Variants in AREL1 observed in about 807,000 individuals in gnomAD.
The protein encoded by AREL1 is apoptosis-resistant E3 ubiquitin protein ligase 1.
Under a neutral mutation model 99.0 loss-of-function variants are expected in AREL1, and 62 were observed. That is an observed-to-expected ratio of 0.63 (90% CI 0.51 to 0.77). The LOEUF (loss-of-function observed/expected upper bound fraction) is 0.77, where lower values mean the gene tolerates loss of function less well. AREL1 is among the 30% of genes least tolerant of loss of function. The pLI is 0.00. For synonymous variants in AREL1, 380 were observed against 376.5 expected (o/e 1.01, Z -0.11); for missense variants, 879 against 1,027.6 (o/e 0.86, Z 1.98).
chr14:74,704,026 G>A (rs2090133000), intron 1 of AREL1, among the ~76,000 whole-genome samples: 1 of 152,158 alleles, frequency 6.6e-6, no homozygotes, highest in Admixed American at 6.5e-5. Context: ...CATTCTAATA[G>A]GTGTGAAGTG....
At position 74,675,706 on chromosome 14, in the gene AREL1, G is replaced by A. The variant is rs757210119; in HGVS notation, c.1073C>T (p.Ser358Leu). ...KKPKKVYCYV[S>L]PKQFSVKEFY... ...GAGAATGGAAGGTCCAACCTTTGGT[G>A]ACACATAGCAGTACACCTTCTTCGG... Residue 358 changes from serine to leucine, a missense_variant, in exon 8 of 20, where the codon TCA becomes TTA. By Grantham distance (145) the Ser-to-Leu change is moderately radical. Transcript: ENST00000356357. 6.2e-7 allele frequency: 1 copy of A among 1,613,382 alleles called. No individual in the cohort carries two copies. Among genetic ancestry groups the A allele is most frequent in the Non-Finnish European group, 8.5e-7 (1 of 1,179,498 alleles).
Position 74,662,465 on chromosome 14 carries a change from A to T in AREL1, c.*1255T>A, listed in dbSNP as rs2089105855. 1 of 398,362 alleles carries T rather than the reference A, an allele frequency of 2.5e-6. No homozygotes were observed. Among genetic ancestry groups the T allele is most frequent in the African/African-American group, 2.1e-5 (1 of 48,634 alleles). 24.7% of individuals were successfully genotyped at this position (398,362 alleles called of 1,614,324 possible). A position where few individuals can be genotyped will look rare whatever the true frequency, so the allele number is the denominator to read the frequency against. On this transcript the variant is annotated 3_prime_UTR_variant, in exon 20 of 20. Transcript: ENST00000356357. Reference sequence around the variant, plus strand: ...GATTTTGAATCTTGAAATTATTTTCAATCAAACAGTAATGAAAAAGGATGT... The same window carrying T: ...GATTTTGAATCTTGAAATTATTTTCTATCAAACAGTAATGAAAAAGGATGT...
chr14:74,696,636 G>A (rs2089984111), intron 1 of AREL1, among the ~76,000 whole-genome samples: 1 of 152,038 alleles, frequency 6.6e-6, no homozygotes, highest in Non-Finnish European at 1.5e-5. Context: ...CTTGAGCCTA[G>A]GAGTTGAAAC....
At chr14:74,688,815 GC>G (rs940642011) in intron 2 of AREL1, among the ~76,000 whole-genome samples, 11 of 151,426 alleles carry the variant, frequency 7.3e-5, no homozygotes, top group Admixed American at 7.2e-4. Context: ...TCTCTCAAAA[GC>G]CCTTCTATTT....
At chr14:74,672,745 A>G in intron 11 of AREL1, 86 bp downstream of exon 11, 1 of 1,570,300 alleles carries the variant, frequency 6.4e-7, no homozygotes, top group African/African-American at 1.4e-5. Context: ...CCAAACAAAA[A>G]CAAAAACAAA....
intron 5 of AREL1, among the ~76,000 whole-genome samples, chr14:74,680,359 C>G (rs1375091348): frequency 6.6e-6 from 1 of 152,018 alleles, no homozygotes; most frequent in South Asian, 2.1e-4. Context: ...AATGAGATAC[C>G]ACTACACACT....
intron 2 of AREL1, among the ~76,000 whole-genome samples, chr14:74,687,208 G>A (rs2089767501): frequency 1.3e-5 from 2 of 152,214 alleles, no homozygotes; most frequent in African/African-American, 4.8e-5. Context: ...TGTGGCTGGT[G>A]TTACAGATTT....
At chr14:74,677,500 CTTTTTTTTTTT>C (rs58383006) in intron 5 of AREL1, among the ~76,000 whole-genome samples, 1 of 63,120 alleles carries the variant, frequency 1.6e-5, no homozygotes, top group African/African-American at 6.0e-5. Flanking sequence ...TGTCTCTCTC[CTTTTTTTTTTT>C]TTTTTTTTTT....
chr14:74,711,701 A>C (rs970084929), intron 1 of AREL1, among the ~76,000 whole-genome samples: 1 of 152,138 alleles, frequency 6.6e-6, no homozygotes, highest in Non-Finnish European at 1.5e-5. Context: ...ATGAATAAAC[A>C]TAAGTCCTGA....
At chr14:74,671,368 G>A (rs758167846) in intron 12 of AREL1, 40 bp downstream of exon 12, 8 of 961,648 alleles carry the variant, frequency 8.3e-6, no homozygotes, top group Non-Finnish European at 1.2e-5. Flanking sequence ...CGAGTGGGGA[G>A]GAGAGTTCAA....
chr14:74,696,068 C>T (rs1465018588), intron 1 of AREL1, among the ~76,000 whole-genome samples: 1 of 152,188 alleles, frequency 6.6e-6, no homozygotes, highest in African/African-American at 2.4e-5. Context: ...TACATATTAT[C>T]TGTGGCTGCT....
rs763601239 is a variant in AREL1, at chr14:74,684,459, C to A, written c.238G>T (p.Val80Leu). 10 of 1,614,128 alleles carry A rather than the reference C, an allele frequency of 6.2e-6. No individual in the cohort carries two copies. The highest frequency in any genetic ancestry group is 7.6e-6 in the Non-Finnish European group (9 of 1,179,992). The change falls in exon 4 of 20, where the codon GTG (valine) becomes TTG (leucine). Residue 80 changes from valine (V) to leucine (L), a missense_variant. Val to Leu is a conservative substitution (Grantham distance 32). Coordinates refer to ENST00000356357, the MANE Select transcript of AREL1 (RefSeq NM_001039479.2). ...AGACAGAAACATTCCCTTACATGCA[C>A]TCGGAAGGCCATGCTGTGGCCCACC... ...YEVGHSMAFR[V>L]HLFYKNGQPF...
chr14:74,675,780 T>A lies in AREL1; in HGVS notation c.999A>T (p.Glu333Asp). The A allele has an allele frequency of 6.2e-7, 1 of 1,614,212 alleles. No homozygotes were observed. Among genetic ancestry groups the A allele is most frequent in the Non-Finnish European group, 8.5e-7 (1 of 1,180,038 alleles). Residue 333 changes from glutamate (E) to aspartate (D), a missense_variant, in exon 8 of 20, where the codon GAA becomes GAT. By Grantham distance (45) the Glu-to-Asp change is conservative. Transcript: ENST00000356357. ...GGCACTCAGAGGGCGAGTCTTCATC[T>A]TCCTCGTCAACAGCAGTGGATGGCC... ...QRRPSTAVDE[E>D]DEDSPSECHT...
intron 1 of AREL1, among the ~76,000 whole-genome samples, chr14:74,696,622 A>G (rs894331670): frequency 1.5e-4 from 23 of 152,290 alleles, no homozygotes; most frequent in African/African-American, 4.8e-4. Flanking sequence ...AACTGGGAAG[A>G]TCACTTGAGC....
chr14:74,700,031 G>A (rs1036497977), intron 1 of AREL1, among the ~76,000 whole-genome samples: 1 of 152,218 alleles, frequency 6.6e-6, no homozygotes, highest in African/African-American at 2.4e-5. Context: ...CACAGCAAGT[G>A]AGGAAGATGG....
intron 1 of AREL1, 90 bp from the exon 2 acceptor site, chr14:74,692,418 G>A (rs905378480): frequency 2.8e-6 from 1 of 353,730 alleles, no homozygotes; most frequent in Admixed American, 4.1e-5. Context: ...AGGTAGAACA[G>A]GCAGTGGAAA....
chr14:74,690,556 GGT>G (rs1163910536), intron 2 of AREL1, among the ~76,000 whole-genome samples: 1 of 152,094 alleles, frequency 6.6e-6, no homozygotes, highest in African/African-American at 2.4e-5. Flanking sequence ...TCCCATGCAT[GGT>G]ATTTTTCTAC....
intron 1 of AREL1, among the ~76,000 whole-genome samples, chr14:74,699,972 G>C (rs2090053107): frequency 6.6e-6 from 1 of 152,200 alleles, no homozygotes; most frequent in African/African-American, 2.4e-5. Context: ...CAGGCTGCTG[G>C]GTTGCCAGGT....
chr14:74,669,570 G>T, intron 15 of AREL1, 79 bp downstream of exon 15: 1 of 1,515,674 alleles, frequency 6.6e-7, no homozygotes. Context: ...TTCCACCACT[G>T]CAGAAAGTTC....
Sources: allele counts gnomAD v4.1 joint callset (sites outside exome capture counted in the v4.1 genomes callset), GRCh38; gene constraint gnomAD v4.1.1; transcripts MANE v1.5; gene names NCBI Gene and HGNC (gene_info 2026-07-23, HGNC 2026-07-21).